Variants in RBM18 observed in about 807,000 individuals in gnomAD.
The protein encoded by RBM18 is RNA binding motif protein 18.
A neutral mutation model predicts 26.4 loss-of-function variants in RBM18; 18 were observed. That is an observed-to-expected ratio of 0.68 (90% CI 0.47 to 1.01). RBM18 has a LOEUF of 1.01. Ranked by LOEUF, RBM18 falls within the 50% of genes least tolerant of loss-of-function variation. The pLI is 0.00. For missense variants in RBM18, 180 were observed against 219.2 expected (o/e 0.82, Z 1.13); for synonymous variants, 74 against 81.1 (o/e 0.91, Z 0.47).
At chr9:122,261,680 T>A (rs996580506) in intron 1 of RBM18, among the ~76,000 whole-genome samples, 172 bp from the exon 2 acceptor site, 1 of 152,238 alleles carries the variant, frequency 6.6e-6, no homozygotes, top group Non-Finnish European at 1.5e-5. Context: ...TTGGGACAAC[T>A]GCTCTGGCAG....
intron 5 of RBM18, among the ~76,000 whole-genome samples, chr9:122,242,743 G>T (rs1831442551): frequency 1.3e-5 from 2 of 151,386 alleles, no homozygotes; most frequent in Non-Finnish European, 2.9e-5. Context: ...CTAAAACCTT[G>T]AACTCCTGAG....
intron 2 of RBM18, among the ~76,000 whole-genome samples, chr9:122,255,362 G>A (rs1216536004): frequency 1.3e-5 from 2 of 152,194 alleles, no homozygotes; most frequent in Non-Finnish European, 2.9e-5. Context: ...TTCTTCGGGG[G>A]TGAACACACT....
rs1588375893 is a variant in RBM18 at position 122,241,830 on chromosome 9, C to T, written c.*54G>A. ...CACATCTACAAAGTACACAGGCAGACGATTTTAGGTGTGGAGACCAATTTG... is the reference window on the plus strand; with the variant it reads ...CACATCTACAAAGTACACAGGCAGATGATTTTAGGTGTGGAGACCAATTTG... On this transcript the variant is annotated 3_prime_UTR_variant, in exon 6 of 6. Transcript: ENST00000417201. The T allele has an allele frequency of 2.3e-5, 36 of 1,532,330 alleles. No homozygotes were observed. The highest frequency in any genetic ancestry group is 1.5e-4 in the South Asian group (13 of 86,662). 94.9% of individuals were successfully genotyped at this position (1,532,330 alleles called of 1,614,324 possible). A position where few individuals can be genotyped will look rare whatever the true frequency, so the allele number is the denominator to read the frequency against.
intron 3 of RBM18, among the ~76,000 whole-genome samples, chr9:122,248,311 T>C (rs886441779): frequency 2.6e-5 from 4 of 152,174 alleles, no homozygotes; most frequent in African/African-American, 9.7e-5. Context: ...TTAACATATG[T>C]TAGTAATAGT....
chr9:122,252,060 T>C, intron 2 of RBM18, 87 bp from the exon 3 acceptor site: 1 of 1,555,200 alleles, frequency 6.4e-7, no homozygotes, highest in Non-Finnish European at 8.8e-7. Context: ...AGGAGATAAT[T>C]TACCCCAGGG....
intron 3 of RBM18, among the ~76,000 whole-genome samples, chr9:122,248,526 G>A (rs979201427): frequency 2.6e-5 from 4 of 152,216 alleles, no homozygotes; most frequent in African/African-American, 7.2e-5. Flanking sequence ...GTGAGTCAAA[G>A]AGACCGTTAG....
intron 5 of RBM18, 143 bp downstream of exon 5, chr9:122,245,113 C>A: frequency 1.6e-6 from 1 of 619,630 alleles, no homozygotes; most frequent in South Asian, 1.9e-5. Flanking sequence ...TGTATACATT[C>A]TGGAGACTAA....
At chr9:122,254,381 A>G in intron 2 of RBM18, 1 of 762,224 alleles carries the variant, frequency 1.3e-6, no homozygotes, top group Non-Finnish European at 1.6e-6. Flanking sequence ...AAACAAAAGG[A>G]ATGAAATGTT....
intron 1 of RBM18, 103 bp from the exon 2 acceptor site, chr9:122,261,611 C>CCT: frequency 2.6e-6 from 2 of 763,378 alleles, no homozygotes; most frequent in Non-Finnish European, 2.2e-6. Context: ...GGCATGCCCT[C>CCT]TGGGCAGTCC....
intron 3 of RBM18, among the ~76,000 whole-genome samples, chr9:122,248,419 C>A (rs1158969467): frequency 6.6e-6 from 1 of 152,096 alleles, no homozygotes; most frequent in African/African-American, 2.4e-5. Flanking sequence ...GCCCTGGAAC[C>A]ATATCCTGGA....
At chr9:122,249,846 A>G (rs1831569357) in intron 3 of RBM18, among the ~76,000 whole-genome samples, 1 of 150,764 alleles carries the variant, frequency 6.6e-6, no homozygotes, top group Non-Finnish European at 1.5e-5. Context: ...AGAGAAGGGC[A>G]GTTGGCTTGA....
chr9:122,254,205 AAAC>A, intron 2 of RBM18: 1 of 256,730 alleles, frequency 3.9e-6, no homozygotes, highest in Non-Finnish European at 6.1e-6. Flanking sequence ...AGAAAAAAAA[AAAC>A]ACACACACCA....
chr9:122,245,705 C>T (rs1436618260), intron 4 of RBM18, among the ~76,000 whole-genome samples: 4 of 151,964 alleles, frequency 2.6e-5, no homozygotes, highest in East Asian at 1.9e-4. Flanking sequence ...TGGCCAGGCG[C>T]GGTGGCTCAC....
intron 1 of RBM18, among the ~76,000 whole-genome samples, chr9:122,263,609 G>A (rs1046231307): frequency 6.6e-6 from 1 of 152,168 alleles, no homozygotes; most frequent in African/African-American, 2.4e-5. Context: ...AAATAAAGAA[G>A]ATATAATTAG....
chr9:122,243,268 G>A (rs1588376903), intron 5 of RBM18, among the ~76,000 whole-genome samples: 1 of 152,106 alleles, frequency 6.6e-6, no homozygotes, highest in Non-Finnish European at 1.5e-5. Context: ...CACTGCACTC[G>A]ACCTACTTAT....
At chr9:122,243,444 T>G (rs1831456298) in intron 5 of RBM18, among the ~76,000 whole-genome samples, 1 of 152,194 alleles carries the variant, frequency 6.6e-6, no homozygotes, top group Admixed American at 6.5e-5. Flanking sequence ...TCCATCAAGT[T>G]AAGAGCTGAA....
chr9:122,250,925 T>C (rs35852837), intron 3 of RBM18, among the ~76,000 whole-genome samples: 2 of 101,052 alleles, frequency 2.0e-5, no homozygotes, highest in Admixed American at 1.1e-4. Context: ...ATTATTACTA[T>C]TATTATTATT....
chr9:122,251,234 A>C (rs1389388954), intron 3 of RBM18, among the ~76,000 whole-genome samples: 1 of 152,198 alleles, frequency 6.6e-6, no homozygotes, highest in Admixed American at 6.5e-5. Context: ...CAATGTTCTT[A>C]CATATGATGA....
rs906984078 is a variant in RBM18, at chr9:122,237,821, G to C, written c.*4063C>G. 2.0e-5 allele frequency: 3 copies of C among 152,092 alleles called. No individual in the cohort carries two copies. The highest frequency in any genetic ancestry group is 4.4e-5 in the Non-Finnish European group (3 of 68,014). The allele number at this position is 152,092 out of a possible 1,614,324, so 9.4% of individuals were successfully genotyped here. A position where few individuals can be genotyped will look rare whatever the true frequency, so the allele number is the denominator to read the frequency against. ...AACTATTCAACTCTTCTATTATATGGGGAAAACAGCCACATGTAAATGCCT... is the reference window on the plus strand; with the variant it reads ...AACTATTCAACTCTTCTATTATATGCGGAAAACAGCCACATGTAAATGCCT... On this transcript the variant is annotated 3_prime_UTR_variant, in exon 6 of 6. Transcript: ENST00000417201.
Sources: allele counts gnomAD v4.1 joint callset (sites outside exome capture counted in the v4.1 genomes callset), GRCh38; gene constraint gnomAD v4.1.1; transcripts MANE v1.5; gene names NCBI Gene and HGNC (gene_info 2026-07-23, HGNC 2026-07-21).